The following PPP1R12B variants were observed in gnomAD, a reference collection of about 807,000 sequenced individuals.
PPP1R12B encodes the protein protein phosphatase 1 regulatory subunit 12B.
PPP1R12B carries 76 observed loss-of-function variants against 126.1 expected under a neutral mutation model. The ratio of observed to expected loss-of-function variants is 0.60; its 90% confidence interval spans 0.50 to 0.73. The LOEUF is 0.73. Among genes scored for constraint, PPP1R12B ranks in the 30% least tolerant of loss-of-function variants. The pLI is 0.00. For missense variants in PPP1R12B, 1,052 were observed against 1,205.1 expected (o/e 0.87, Z 1.88); for synonymous variants, 356 against 434.7 (o/e 0.82, Z 2.25).
rs567781580 is a variant in PPP1R12B at position 202,364,702 on chromosome 1, G to A, written c.291+15560G>A. On this transcript the variant is annotated intron_variant, in intron 1 of 23. Transcript: ENST00000608999. Reference sequence around the variant, plus strand: ...CGCCATTCTCCTGTTTCAGCCTCCCGAGTAGCTGGGACTACAGGCGCCCGC... The same window carrying A: ...CGCCATTCTCCTGTTTCAGCCTCCCAAGTAGCTGGGACTACAGGCGCCCGC... 9.9e-5 allele frequency among the ~76,000 whole-genome samples: 15 copies of A among 151,920 alleles called. No homozygotes were observed. The East Asian group carries it at 2.7e-3, about 27-fold the overall frequency.
Position 202,592,653 on chromosome 1 carries a change from GTTC to G in PPP1R12B, c.*12096_*12098del, listed in dbSNP as rs1258278114. Reference sequence around the variant, plus strand: ...GATGAGGCTCAAATGGCTTCAGAAGGTTCTTATTTTGTTGTTGCTTAAAAAATA... The same window carrying G: ...GATGAGGCTCAAATGGCTTCAGAAGGTTATTTTGTTGTTGCTTAAAAAATA... On this transcript the variant is annotated 3_prime_UTR_variant, in exon 24 of 24. Coordinates refer to ENST00000608999, the MANE Select transcript of PPP1R12B (RefSeq NM_002481.4). The G allele has an allele frequency of 6.6e-6, 1 of 152,138 alleles. No individual in the cohort carries two copies. Among genetic ancestry groups the G allele is most frequent in the Non-Finnish European group, 1.5e-5 (1 of 68,026 alleles). 9.4% of individuals were successfully genotyped at this position (152,138 alleles called of 1,614,324 possible).
chr1:202,481,047 T>G (rs1677293198), intron 13 of PPP1R12B, among the ~76,000 whole-genome samples: 1 of 152,144 alleles, frequency 6.6e-6, no homozygotes, highest in Non-Finnish European at 1.5e-5. Context: ...TTAGTTAGAT[T>G]CTCATAAGGC....
chr1:202,348,760 T>G lies in PPP1R12B; in HGVS notation c.-92T>G. 6.8e-7 allele frequency: 1 copy of G among 1,463,188 alleles called. No individual in the cohort carries two copies. Among genetic ancestry groups the G allele is most frequent in the South Asian group, 1.4e-5 (1 of 70,540 alleles). The allele number at this position is 1,463,188 out of a possible 1,614,324, so 90.6% of individuals were successfully genotyped here. The stretch of plus-strand genomic sequence containing the variant: ...AGGGTCTCCGCCCTCTGCTCCGGGC[T>G]GAAGCGCTCTGAGAGAGGCGGCAGC... On this transcript the variant is annotated 5_prime_UTR_variant, in exon 1 of 24. An upstream open reading frame in the 5' UTR loses its in-frame stop. Coordinates refer to ENST00000608999, the MANE Select transcript of PPP1R12B (RefSeq NM_002481.4).
chr1:202,529,388 G>A lies in PPP1R12B; in HGVS notation c.2491-29489G>A, dbSNP rs572273976. On this transcript the variant is annotated intron_variant, in intron 18 of 23. Coordinates refer to ENST00000608999, the MANE Select transcript of PPP1R12B (RefSeq NM_002481.4). The stretch of plus-strand genomic sequence containing the variant: ...ATGAAGAGAGCAGCCTTTATTTCTG[G>A]ATCAACTGCAAATTCACAACTATGA... Among the ~76,000 whole-genome samples, 17 of 151,916 alleles carry A rather than the reference G, an allele frequency of 1.1e-4. No homozygotes were observed. In the South Asian group the frequency reaches 3.5e-3, roughly 32 times the overall value.
intron 13 of PPP1R12B, among the ~76,000 whole-genome samples, chr1:202,449,874 G>C (rs555669883): frequency 1.1e-4 from 17 of 151,494 alleles, no homozygotes; most frequent in Non-Finnish European, 1.8e-4. Flanking sequence ...TTTTAGTAGA[G>C]ACGGGGTTTC....
intron 13 of PPP1R12B, among the ~76,000 whole-genome samples, chr1:202,450,143 AGAAAG>A (rs1462435535): frequency 6.6e-6 from 1 of 152,234 alleles, no homozygotes; most frequent in African/African-American, 2.4e-5. Context: ...CTGGCAGCAA[AGAAAG>A]GAAACAGTAT....
intron 13 of PPP1R12B, among the ~76,000 whole-genome samples, chr1:202,475,762 T>A (rs1676553356): frequency 6.6e-6 from 1 of 152,178 alleles, no homozygotes; most frequent in Non-Finnish European, 1.5e-5. Context: ...TCTGTAGGCA[T>A]AGGTCTGTGA....
intron 23 of PPP1R12B, chr1:202,576,785 G>A (rs1159859510): frequency 6.6e-6 from 1 of 150,424 alleles, no homozygotes; most frequent in Non-Finnish European, 1.5e-5. Flanking sequence ...GCTTTATATA[G>A]TTTTTCTCAT....
chr1:202,449,072 C>A lies in PPP1R12B; in HGVS notation c.1751C>A (p.Thr584Asn). The A allele has an allele frequency of 6.2e-7, 1 of 1,613,884 alleles. No individual in the cohort carries two copies. The highest frequency in any genetic ancestry group is 8.5e-7 in the Non-Finnish European group (1 of 1,179,862). ...VSSSTPLCVI[T>N]NRPLPSTANG... ...TCTAGCACCCCGCTCTGTGTGATCA[C>A]CAATCGCCCTCTTCCTAGCACTGCC... is the stretch of plus-strand genomic sequence containing the variant. Residue 584 changes from threonine (T) to asparagine (N), a missense_variant, in exon 13 of 24, where the codon ACC becomes AAC. Physicochemically the swap from Thr to Asn is moderately conservative, Grantham distance 65. Coordinates refer to ENST00000608999, the MANE Select transcript of PPP1R12B (RefSeq NM_002481.4).
chr1:202,471,973 G>A, intron 13 of PPP1R12B: 1 of 1,596,472 alleles, frequency 6.3e-7, no homozygotes, highest in Non-Finnish European at 8.5e-7. Flanking sequence ...GTTTGTGCAT[G>A]GCTAAAGACC....
chr1:202,571,139 T>C (rs1688553799), intron 23 of PPP1R12B, among the ~76,000 whole-genome samples: 1 of 152,230 alleles, frequency 6.6e-6, no homozygotes, highest in African/African-American at 2.4e-5. Context: ...TTTGTTATTT[T>C]TATTCCAATT....
At position 202,371,833 on chromosome 1, in the gene PPP1R12B, G is replaced by GATGCC. The variant is rs374021432; in HGVS notation, c.291+22694_291+22698dup. 1.6e-3 allele frequency among the ~76,000 whole-genome samples: 246 copies of GATGCC among 149,600 alleles called. 1 individual carries two copies. The highest frequency in any genetic ancestry group is 5.8e-3 in the African/African-American group (237 of 40,818). ...TTTTTGTTGTTATGTTGATATTCTG[G>GATGCC]ATGCCATTTCCTTCATTATAGTTTC... On this transcript the variant is annotated intron_variant, in intron 1 of 23. Transcript: ENST00000608999.
intron 13 of PPP1R12B, among the ~76,000 whole-genome samples, chr1:202,468,674 C>G (rs1351132228): frequency 6.6e-6 from 1 of 152,178 alleles, no homozygotes; most frequent in Non-Finnish European, 1.5e-5. Flanking sequence ...AAAGTGGTGG[C>G]TGGGCACGGT....
chr1:202,439,743 G>A (rs776252600), intron 10 of PPP1R12B: 2 of 553,080 alleles, frequency 3.6e-6, no homozygotes, highest in African/African-American at 1.9e-5. Flanking sequence ...GGCCCTCTAG[G>A]AGGAATGCGC....
rs1667861736 is a variant in PPP1R12B, at chr1:202,414,874, C to T, written c.292-1913C>T. Reference sequence around the variant, plus strand: ...CACAGCTCACTGCAGCCTCGACCTCCCAGGCTTAAGCCATCCTCCCACCTT... The same window carrying T: ...CACAGCTCACTGCAGCCTCGACCTCTCAGGCTTAAGCCATCCTCCCACCTT... On this transcript the variant is annotated intron_variant, in intron 1 of 23. Coordinates refer to ENST00000608999, the MANE Select transcript of PPP1R12B (RefSeq NM_002481.4). Among the ~76,000 whole-genome samples, 3 of 152,164 alleles carry T rather than the reference C, an allele frequency of 2.0e-5. No individual in the cohort carries two copies. The South Asian group carries it at 6.2e-4, about 31-fold the overall frequency.
At chr1:202,514,131 C>T (rs1351943130) in intron 18 of PPP1R12B, among the ~76,000 whole-genome samples, 1 of 151,898 alleles carries the variant, frequency 6.6e-6, no homozygotes, top group Non-Finnish European at 1.5e-5. Context: ...GCCATTCTGA[C>T]TGGTGTGAGA....
intron 1 of PPP1R12B, among the ~76,000 whole-genome samples, chr1:202,400,022 T>C (rs1366331170): frequency 2.0e-5 from 3 of 151,868 alleles, no homozygotes; most frequent in Non-Finnish European, 4.4e-5. Flanking sequence ...CCTCCCTCTC[T>C]GCTCTAGTAG....
At chr1:202,390,332 A>G (rs562503342) in intron 1 of PPP1R12B, among the ~76,000 whole-genome samples, 2 of 152,366 alleles carry the variant, frequency 1.3e-5, no homozygotes, top group Admixed American at 1.3e-4. Context: ...AGATGAAAAC[A>G]TAGCAGTAAT....
chr1:202,444,722 C>T (rs1672025866), intron 12 of PPP1R12B, among the ~76,000 whole-genome samples: 1 of 152,018 alleles, frequency 6.6e-6, no homozygotes, highest in Non-Finnish European at 1.5e-5. Context: ...CCTTTCTTAG[C>T]CTCTCCTCTT....
Sources: allele counts gnomAD v4.1 joint callset (sites outside exome capture counted in the v4.1 genomes callset), GRCh38; gene constraint gnomAD v4.1.1; transcripts MANE v1.5; gene names NCBI Gene and HGNC (gene_info 2026-07-23, HGNC 2026-07-21).